Variants in CAPN14 observed in about 807,000 individuals in gnomAD.
CAPN14 encodes the protein calpain-14.
CAPN14 carries 94 observed loss-of-function variants against 101.3 expected under a neutral mutation model. That is an observed-to-expected ratio of 0.93 (90% CI 0.79 to 1.10). The LOEUF is 1.10. Among genes scored for constraint, CAPN14 ranks in the 50% least tolerant of loss-of-function variants. The pLI, the probability that CAPN14 is intolerant of heterozygous loss-of-function variation, is 0.00. For synonymous variants in CAPN14, 338 were observed against 317.9 expected (o/e 1.06, Z -0.67); for missense variants, 837 against 828.4 (o/e 1.01, Z -0.13).
chr2:31,191,985 T>C lies in CAPN14; in HGVS notation c.1228A>G (p.Arg410Gly), dbSNP rs7587515. The part of the protein sequence containing the change: ...LVSLLQKPRH[R>G]CRKRKPLLAI... ...AGGAGAGGCTTCCGCTTGCGGCACCTGTGCCTGGGCTTCTGGAGCAGGGAC... is the reference window on the plus strand; with the variant it reads ...AGGAGAGGCTTCCGCTTGCGGCACCCGTGCCTGGGCTTCTGGAGCAGGGAC... Residue 410 changes from arginine (R) to glycine (G), a missense_variant, in exon 11 of 22, where the codon AGG (arginine) becomes GGG (glycine). Physicochemically the swap from Arg to Gly is moderately radical, Grantham distance 125. Transcript: ENST00000403897. 64,489 of 1,551,440 alleles carry C rather than the reference T, an allele frequency of 0.042. 4,120 individuals are homozygous for C. The highest frequency in any genetic ancestry group is 0.3 in the African/African-American group (21,718 of 73,086).
chr2:31,219,181 G>A (rs1017196299), upstream of CAPN14, among the ~76,000 whole-genome samples: 1 of 150,874 alleles, frequency 6.6e-6, no homozygotes, highest in African/African-American at 2.4e-5. Flanking sequence ...CATAAATTGT[G>A]CTGCGGATTC....
intron 16 of CAPN14, among the ~76,000 whole-genome samples, chr2:31,185,613 T>C (rs12105579): frequency 0.31 from 46,492 of 152,096 alleles, 8,480 homozygotes; most frequent in African/African-American, 0.5. Context: ...GAGTCTTACG[T>C]TCTACAATTC....
At chr2:31,193,419 C>A in intron 9 of CAPN14, 125 bp from the exon 10 acceptor site, 1 of 957,516 alleles carries the variant, frequency 1.0e-6, no homozygotes, top group Non-Finnish European at 1.5e-6. Flanking sequence ...GACACCAGCT[C>A]TTGTGCAGAG....
intron 1 of CAPN14, among the ~76,000 whole-genome samples, chr2:31,231,224 T>C (rs534068664): frequency 2.0e-4 from 31 of 152,340 alleles, no homozygotes; most frequent in African/African-American, 6.5e-4. Context: ...CTATAAGTTA[T>C]ACATTTTAGA....
chr2:31,206,615 CA>C (rs1276056682), intron 1 of CAPN14, among the ~76,000 whole-genome samples: 1 of 151,986 alleles, frequency 6.6e-6, no homozygotes, highest in Non-Finnish European at 1.5e-5. Context: ...AAAAGGGGGA[CA>C]AAAAAATCAC....
intron 2 of CAPN14, among the ~76,000 whole-genome samples, chr2:31,224,158 A>G (rs28464710): frequency 0.15 from 23,506 of 152,108 alleles, 2,260 homozygotes; most frequent in African/African-American, 0.27. Context: ...GTGGCTATCA[A>G]TAGAGAACTC....
chr2:31,225,269 G>A (rs1296508730), intron 2 of CAPN14, among the ~76,000 whole-genome samples: 2 of 151,466 alleles, frequency 1.3e-5, no homozygotes, highest in Admixed American at 1.3e-4. Context: ...CCAAATTGAT[G>A]GATATTTTAA....
At chr2:31,188,498 T>A in intron 13 of CAPN14, 144 bp from the exon 14 acceptor site, 1 of 704,888 alleles carries the variant, frequency 1.4e-6, no homozygotes, top group Non-Finnish European at 2.5e-6. Flanking sequence ...CCTCACCTCC[T>A]GCTTCCCCTT....
In CAPN14 at chr2:31,217,463, G is replaced by C. The variant is rs4952068; in HGVS notation, c.-60C>G. ...GGAACTAAAGAAATTTACCTGCACA[G>C]GAGATTTTGCTTCTTTAAGCGCCTG... On this transcript the variant is annotated 5_prime_UTR_variant, in exon 1 of 22. Coordinates refer to ENST00000403897, the MANE Select transcript of CAPN14 (RefSeq NM_001145122.2). 1 of 151,968 alleles carries C rather than the reference G, an allele frequency of 6.6e-6. No homozygotes were observed. The highest frequency in any genetic ancestry group is 1.5e-5 in the Non-Finnish European group (1 of 68,008). 9.4% of individuals were successfully genotyped at this position (151,968 alleles called of 1,614,324 possible).
rs374113994 is a variant in CAPN14, at chr2:31,197,305, G to T, written c.819C>A (p.Leu273=). Reference sequence around the variant, plus strand: ...TTCCCCAGGGGTTCCGTAGCTTGACGAGATATTCAGGTCTATGTTTGCAGG... The same window carrying T: ...TTCCCCAGGGGTTCCGTAGCTTGACTAGATATTCAGGTCTATGTTTGCAGG... ...KVTCKHRPEY[L]VKLRNPWGKV... Residue 273 remains leucine (L), a synonymous_variant, in exon 8 of 22, where the codon CTC becomes CTA. Transcript: ENST00000403897. The T allele has an allele frequency of 5.2e-6, 8 of 1,550,866 alleles. No individual in the cohort carries two copies. The Admixed American group carries it at 1.6e-4, about 30-fold the overall frequency.
Position 31,173,875 on chromosome 2 carries a change from T to C in CAPN14, c.*806A>G, listed in dbSNP as rs1680168622. 1 of 152,198 alleles carries C rather than the reference T, an allele frequency of 6.6e-6. No homozygotes were observed. The highest frequency in any genetic ancestry group is 2.4e-5 in the African/African-American group (1 of 41,458). The allele number at this position is 152,198 out of a possible 1,614,324, so 9.4% of individuals were successfully genotyped here. On this transcript the variant is annotated 3_prime_UTR_variant, in exon 22 of 22. Transcript: ENST00000403897. Reference sequence around the variant, plus strand: ...ATACCAACCACCCACTGATTGACTCTATAATTTAGCATGGGTTTGTTTTTG... The same window carrying C: ...ATACCAACCACCCACTGATTGACTCCATAATTTAGCATGGGTTTGTTTTTG...
intron 1 of CAPN14, among the ~76,000 whole-genome samples, chr2:31,205,781 A>G (rs533992312): frequency 3.9e-5 from 6 of 152,040 alleles, no homozygotes; most frequent in Admixed American, 3.3e-4. Flanking sequence ...TGACTGCACC[A>G]ATGTCACGGG....
chr2:31,209,203 C>T (rs1380341361), intron 1 of CAPN14, among the ~76,000 whole-genome samples: 7 of 149,316 alleles, frequency 4.7e-5, no homozygotes, highest in Non-Finnish European at 8.9e-5. Context: ...TCTCTAACTC[C>T]TGGCGTCAGG....
upstream of CAPN14, among the ~76,000 whole-genome samples, chr2:31,221,886 T>C (rs564817265): frequency 6.6e-6 from 1 of 152,046 alleles, no homozygotes; most frequent in African/African-American, 2.4e-5. Context: ...CCAGCCAGAG[T>C]GAGGGCTCTA....
At chr2:31,193,075 T>C in intron 10 of CAPN14, 56 bp downstream of exon 10, 1 of 1,489,026 alleles carries the variant, frequency 6.7e-7, no homozygotes, top group Non-Finnish European at 9.0e-7. Flanking sequence ...GCAGTCATTC[T>C]GACACCCCCG....
Position 31,205,508 on chromosome 2 carries a change from G to C in CAPN14, c.-52-9C>G, listed in dbSNP as rs1334302801. On this transcript the variant is annotated splice_polypyrimidine_tract_variant and intron_variant, in intron 1 of 21. Transcript: ENST00000403897. ...AGGAGTCTCTGCTGCTCCTGAAATGGAGAGAGGACGGTCAGTTTCCTCACT... is the reference window on the plus strand; with the variant it reads ...AGGAGTCTCTGCTGCTCCTGAAATGCAGAGAGGACGGTCAGTTTCCTCACT... 3.0e-6 allele frequency: 4 copies of C among 1,341,664 alleles called. No homozygotes were observed. Among genetic ancestry groups the C allele is most frequent in the African/African-American group, 1.5e-5 (1 of 68,816 alleles). The allele number at this position is 1,341,664 out of a possible 1,614,324, so 83.1% of individuals were successfully genotyped here. A position where few individuals can be genotyped will look rare whatever the true frequency, so the allele number is the denominator to read the frequency against.
intron 1 of CAPN14, among the ~76,000 whole-genome samples, chr2:31,216,465 T>C (rs1419625808): frequency 2.6e-5 from 4 of 152,104 alleles, no homozygotes; most frequent in African/African-American, 7.2e-5. Context: ...CAGGATGGAT[T>C]AGACAGAATT....
At chr2:31,223,866 A>C (rs1473897482) in intron 2 of CAPN14, among the ~76,000 whole-genome samples, 1 of 152,096 alleles carries the variant, frequency 6.6e-6, no homozygotes, top group Non-Finnish European at 1.5e-5. Context: ...TGACATTTTG[A>C]GCTGTCACTG....
At chr2:31,179,066 AT>A (rs1558610462) in intron 17 of CAPN14, among the ~76,000 whole-genome samples, 185 of 74,504 alleles carry the variant, frequency 2.5e-3, no homozygotes, top group African/African-American at 0.015. Flanking sequence ...AGTTCTATAT[AT>A]ATATATATAT....
Sources: allele counts gnomAD v4.1 joint callset (sites outside exome capture counted in the v4.1 genomes callset), GRCh38; gene constraint gnomAD v4.1.1; transcripts MANE v1.5; gene names NCBI Gene and HGNC (gene_info 2026-07-23, HGNC 2026-07-21).